The following CCDC12 variants were observed in gnomAD, a reference collection of about 807,000 sequenced individuals.
The protein encoded by CCDC12 is coiled-coil domain containing 12, also known as coiled-coil domain-containing protein 12.
In CCDC12, 28 loss-of-function variants were observed where a neutral mutation model predicts 25.7. That is an observed-to-expected ratio of 1.09 (90% CI 0.81 to 1.50). The LOEUF is 1.50. Ranked by LOEUF, CCDC12 falls within the 40% of genes most tolerant of loss-of-function variation. The pLI, the probability that CCDC12 is intolerant of heterozygous loss-of-function variation, is 0.00. For synonymous variants in CCDC12, 75 were observed against 87.7 expected (o/e 0.86, Z 0.81); for missense variants, 198 against 210.0 (o/e 0.94, Z 0.35).
intron 1 of CCDC12, among the ~76,000 whole-genome samples, chr3:46,941,588 A>T (rs570842019): frequency 6.6e-6 from 1 of 151,874 alleles, no homozygotes; most frequent in Non-Finnish European, 1.5e-5. Context: ...AGCAACAAAA[A>T]AAGTCCGTAA....
At chr3:46,951,462 T>C (rs2034111013) in intron 1 of CCDC12, among the ~76,000 whole-genome samples, 2 of 151,896 alleles carry the variant, frequency 1.3e-5, no homozygotes, top group South Asian at 4.2e-4. Flanking sequence ...ATACAGCTAT[T>C]ATTTATCAAT....
At chr3:46,963,689 C>A (rs1292645476) in intron 1 of CCDC12, among the ~76,000 whole-genome samples, 2 of 151,620 alleles carry the variant, frequency 1.3e-5, no homozygotes, top group Non-Finnish European at 2.9e-5. Flanking sequence ...AGCTCCTAAC[C>A]GCGAGTGATC....
At chr3:46,970,681 C>G (rs1237604896) in intron 1 of CCDC12, among the ~76,000 whole-genome samples, 2 of 152,222 alleles carry the variant, frequency 1.3e-5, no homozygotes, top group Non-Finnish European at 2.9e-5. Context: ...CAGCCCAATT[C>G]AGGGCAATCG....
chr3:46,954,839 C>T (rs763406927), intron 1 of CCDC12, among the ~76,000 whole-genome samples: 1 of 152,116 alleles, frequency 6.6e-6, no homozygotes, highest in Non-Finnish European at 1.5e-5. Context: ...AGGAGAATCG[C>T]TTGAAACCAG....
chr3:46,943,643 C>T (rs1349707357), intron 1 of CCDC12, among the ~76,000 whole-genome samples: 2 of 152,212 alleles, frequency 1.3e-5, no homozygotes, highest in African/African-American at 4.8e-5. Flanking sequence ...AAACAGCTGT[C>T]ACCACCCTCC....
intron 1 of CCDC12, among the ~76,000 whole-genome samples, chr3:46,962,718 GA>G (rs1057229371): frequency 1.3e-5 from 2 of 152,128 alleles, no homozygotes; most frequent in Admixed American, 6.6e-5. Context: ...TGGCTAACAT[GA>G]AAAAAACTAA....
chr3:46,945,853 T>C (rs1216777895), intron 1 of CCDC12, among the ~76,000 whole-genome samples: 1 of 152,220 alleles, frequency 6.6e-6, no homozygotes, highest in African/African-American at 2.4e-5. Context: ...TCACTGATAT[T>C]GATAATTTGT....
intron 1 of CCDC12, among the ~76,000 whole-genome samples, chr3:46,957,996 C>CACACACACACACACATATAT (rs113627328): frequency 7.0e-6 from 1 of 142,582 alleles, no homozygotes; most frequent in Non-Finnish European, 1.5e-5. Flanking sequence ...CACACACACA[C>CACACACACACACACATATAT]ATATATATGT....
At chr3:46,948,247 A>G (rs1302002950) in intron 1 of CCDC12, among the ~76,000 whole-genome samples, 1 of 152,178 alleles carries the variant, frequency 6.6e-6, no homozygotes, top group Admixed American at 6.5e-5. Flanking sequence ...GGTGGTGACT[A>G]CCATCCAAGA....
At chr3:46,976,869 T>C, upstream of CCDC12, 1 of 1,427,778 alleles carries the variant, frequency 7.0e-7, no homozygotes, top group South Asian at 1.4e-5. Context: ...TGCGGGGTTA[T>C]TATGGGCGAG....
chr3:46,940,206 C>T (rs776347417), intron 2 of CCDC12, among the ~76,000 whole-genome samples: 4 of 152,186 alleles, frequency 2.6e-5, no homozygotes, highest in African/African-American at 4.8e-5. Flanking sequence ...ACACTGGTTC[C>T]GGCAACAGTT....
chr3:46,945,938 G>T (rs537940049), intron 1 of CCDC12, among the ~76,000 whole-genome samples: 2 of 152,184 alleles, frequency 1.3e-5, no homozygotes, highest in East Asian at 3.9e-4. Context: ...CCTCAGACTC[G>T]GTGTTTCAAC....
chr3:46,942,706 A>T (rs2033758660), intron 1 of CCDC12, among the ~76,000 whole-genome samples: 1 of 152,166 alleles, frequency 6.6e-6, no homozygotes, highest in African/African-American at 2.4e-5. Flanking sequence ...CCCCCACCCC[A>T]ACTCAGGGCA....
chr3:46,927,397 C>T (rs140545800), intron 2 of CCDC12, among the ~76,000 whole-genome samples: 100 of 152,286 alleles, frequency 6.6e-4, no homozygotes, highest in African/African-American at 2.3e-3. Flanking sequence ...AAAAAACTGT[C>T]GCTTTCAGAA....
At chr3:46,978,544 T>G (rs1266501898), upstream of CCDC12, among the ~76,000 whole-genome samples, 2 of 131,748 alleles carry the variant, frequency 1.5e-5, no homozygotes, top group African/African-American at 5.6e-5. Context: ...TTTCCCCGTG[T>G]CCAGACTGTG....
At chr3:46,925,370 G>T in intron 3 of CCDC12, 86 bp downstream of exon 3, 1 of 1,149,618 alleles carries the variant, frequency 8.7e-7, no homozygotes, top group Non-Finnish European at 1.3e-6. Flanking sequence ...TGGTACTGCT[G>T]GTTATTCTCA....
intron 1 of CCDC12, among the ~76,000 whole-genome samples, chr3:46,947,816 C>T (rs1235763074): frequency 6.6e-6 from 1 of 152,220 alleles, no homozygotes; most frequent in Non-Finnish European, 1.5e-5. Flanking sequence ...ATCCCAGCTC[C>T]ATTTCATCTT....
chr3:46,954,909 C>T (rs1167885084), intron 1 of CCDC12, among the ~76,000 whole-genome samples: 3 of 152,096 alleles, frequency 2.0e-5, no homozygotes, highest in African/African-American at 4.8e-5. Flanking sequence ...GGCAAAAGAG[C>T]GAAACTCCGT....
chr3:46,957,762 T>C (rs562069081), intron 1 of CCDC12, among the ~76,000 whole-genome samples: 3 of 151,978 alleles, frequency 2.0e-5, no homozygotes, highest in South Asian at 2.1e-4. Flanking sequence ...GCCAACATGA[T>C]GAAACACTGT....
Sources: allele counts gnomAD v4.1 joint callset (sites outside exome capture counted in the v4.1 genomes callset), GRCh38; gene constraint gnomAD v4.1.1; transcripts MANE v1.5; gene names NCBI Gene and HGNC (gene_info 2026-07-23, HGNC 2026-07-21).